The following JMJD1C variants were observed in gnomAD, a reference collection of about 807,000 sequenced individuals.
JMJD1C encodes jumonji domain-containing protein 1C.
In JMJD1C, 31 loss-of-function variants were observed where a neutral mutation model predicts 245.3. The ratio of observed to expected loss-of-function variants is 0.13; its 90% CI spans 0.09 to 0.17. The LOEUF (loss-of-function observed/expected upper bound fraction) is 0.17, where lower values mean the gene tolerates loss of function less well. Among genes scored for constraint, JMJD1C ranks in the 10% least tolerant of loss-of-function variants. The pLI is 1.00. For missense variants in JMJD1C, 2,691 were observed against 3,000.2 expected (o/e 0.90, Z 2.41); for synonymous variants, 1,057 against 1,017.4 (o/e 1.04, Z -0.74).
chr10:63,263,892 A>G (rs1431595785), intron 3 of JMJD1C, among the ~76,000 whole-genome samples: 3 of 148,166 alleles, frequency 2.0e-5, no homozygotes, highest in Admixed American at 6.9e-5. Flanking sequence ...AGAACGTGCC[A>G]CTGCATTCCA....
At chr10:63,453,872 G>T (rs1309073068) in intron 1 of JMJD1C, among the ~76,000 whole-genome samples, 1 of 152,122 alleles carries the variant, frequency 6.6e-6, no homozygotes, top group African/African-American at 2.4e-5. Flanking sequence ...CTGAGTAGCT[G>T]GAACTACACC....
intron 12 of JMJD1C, among the ~76,000 whole-genome samples, chr10:63,198,303 T>C (rs1169858597): frequency 6.6e-6 from 1 of 152,170 alleles, no homozygotes; most frequent in Non-Finnish European, 1.5e-5. Context: ...AACAGCAAAA[T>C]GCTATTGTGA....
intron 2 of JMJD1C, among the ~76,000 whole-genome samples, chr10:63,279,488 T>C (rs1857170447): frequency 6.6e-6 from 1 of 152,236 alleles, no homozygotes; most frequent in South Asian, 2.1e-4. Flanking sequence ...ACTAGCTTCC[T>C]TGAAATGCAT....
intron 2 of JMJD1C, among the ~76,000 whole-genome samples, chr10:63,291,629 A>AC (rs60446863): frequency 1.3e-5 from 2 of 149,810 alleles, no homozygotes; most frequent in Non-Finnish European, 3.0e-5. Context: ...AAAAAAAAAA[A>AC]CCGGAAAGAA....
At chr10:63,277,731 C>CTTTTGTTTTTTTTT (rs1856944379) in intron 2 of JMJD1C, among the ~76,000 whole-genome samples, 1 of 64,264 alleles carries the variant, frequency 1.6e-5, no homozygotes, top group African/African-American at 7.1e-5. Flanking sequence ...ATTTGCATTT[C>CTTTTGTTTTTTTTT]TTTTTTTTTT....
At chr10:63,370,981 T>C (rs956841357) in intron 2 of JMJD1C, among the ~76,000 whole-genome samples, 8 of 152,260 alleles carry the variant, frequency 5.3e-5, no homozygotes, top group Middle Eastern at 3.4e-3. Flanking sequence ...CTTTATAATA[T>C]ATATATTTTC....
intron 2 of JMJD1C, among the ~76,000 whole-genome samples, chr10:63,341,256 T>C (rs1943350561): frequency 6.6e-6 from 1 of 152,252 alleles, no homozygotes; most frequent in South Asian, 2.1e-4. Context: ...CTGCTGATCA[T>C]GAAGCAGTAC....
At chr10:63,494,820 G>T (rs989959079) in intron 1 of JMJD1C, among the ~76,000 whole-genome samples, 5 of 152,120 alleles carry the variant, frequency 3.3e-5, no homozygotes, top group African/African-American at 1.2e-4. Context: ...GGCTCACACT[G>T]GTCAGGTCAC....
chr10:63,501,951 T>C (rs1954575623), intron 1 of JMJD1C, among the ~76,000 whole-genome samples: 1 of 152,194 alleles, frequency 6.6e-6, no homozygotes, highest in Non-Finnish European at 1.5e-5. Flanking sequence ...TTCATTTTGG[T>C]ATTTAAAATA....
intron 17 of JMJD1C, among the ~76,000 whole-genome samples, chr10:63,190,196 C>G (rs1430217999): frequency 6.6e-6 from 1 of 151,462 alleles, no homozygotes; most frequent in Non-Finnish European, 1.5e-5. Context: ...CCACCACACC[C>G]AGCCCCCATA....
intron 1 of JMJD1C, among the ~76,000 whole-genome samples, chr10:63,409,334 C>G (rs1241618814): frequency 6.6e-6 from 1 of 152,136 alleles, no homozygotes; most frequent in Admixed American, 6.5e-5. Flanking sequence ...ATTAAGCCAG[C>G]TTTAGGGCCC....
chr10:63,507,865 ATCT>A (rs1003508330), intron 1 of JMJD1C, among the ~76,000 whole-genome samples: 1 of 152,138 alleles, frequency 6.6e-6, no homozygotes, highest in African/African-American at 2.4e-5. Flanking sequence ...CCATCTACAA[ATCT>A]TCTTTGGTGA....
intron 3 of JMJD1C, among the ~76,000 whole-genome samples, chr10:63,254,981 G>A (rs979535825): frequency 3.3e-5 from 5 of 151,950 alleles, no homozygotes; most frequent in Admixed American, 1.3e-4. Context: ...AGCCTCCCCA[G>A]TAGCTGGGAC....
intron 3 of JMJD1C, among the ~76,000 whole-genome samples, chr10:63,263,175 T>C (rs934879429): frequency 1.3e-5 from 2 of 152,086 alleles, no homozygotes; most frequent in East Asian, 1.9e-4. Context: ...CACTATTAAA[T>C]TGGGATTTGC....
intron 1 of JMJD1C, among the ~76,000 whole-genome samples, chr10:63,420,862 C>G (rs1950086674): frequency 8.7e-6 from 1 of 115,510 alleles, no homozygotes; most frequent in Non-Finnish European, 1.6e-5. Flanking sequence ...CAACAAAGTA[C>G]AAAACAAACA....
intron 2 of JMJD1C, among the ~76,000 whole-genome samples, chr10:63,319,569 T>TA (rs1414884789): frequency 6.6e-6 from 1 of 151,966 alleles, no homozygotes; most frequent in African/African-American, 2.4e-5. Context: ...ATTCTCCACT[T>TA]AAAAAAAATT....
chr10:63,229,386 G>GGGTA, intron 3 of JMJD1C, among the ~76,000 whole-genome samples: 1 of 152,078 alleles, frequency 6.6e-6, no homozygotes, highest in African/African-American at 2.4e-5. Context: ...ACTGCCTACA[G>GGGTA]GGTAGCCCTG....
At chr10:63,506,319 A>G (rs1288920661) in intron 1 of JMJD1C, among the ~76,000 whole-genome samples, 1 of 152,238 alleles carries the variant, frequency 6.6e-6, no homozygotes, top group Non-Finnish European at 1.5e-5. Flanking sequence ...GGCAGCAGGA[A>G]GCAAGGAAAA....
At chr10:63,201,648 G>A (rs577729580) in intron 10 of JMJD1C, among the ~76,000 whole-genome samples, 1 of 152,276 alleles carries the variant, frequency 6.6e-6, no homozygotes, top group African/African-American at 2.4e-5. Flanking sequence ...AAAGTAAGCT[G>A]GCCGGGCACG....
Sources: gnomAD v4.1 joint callset for allele counts (sites outside exome capture counted in the v4.1 genomes callset) on GRCh38, gnomAD v4.1.1 for gene constraint, MANE v1.5 for transcripts, NCBI Gene and HGNC (gene_info 2026-07-23, HGNC 2026-07-21) for gene names.